PDC: variants seen among roughly 807,000 people sequenced by gnomAD.
PDC encodes phosducin.
Under a neutral mutation model 22.2 loss-of-function variants are expected in PDC, and 19 were observed. The ratio of observed to expected loss-of-function variants is 0.86; its 90% CI spans 0.60 to 1.26. PDC has a LOEUF of 1.26. PDC is among the 50% of genes most tolerant of loss of function. PDC has a pLI of 0.00. For synonymous variants in PDC, 97 were observed against 96.2 expected (o/e 1.01, Z -0.05); for missense variants, 274 against 286.8 (o/e 0.96, Z 0.32).
In PDC at chr1:186,455,997, ATATATATATAT is replaced by A. The variant is rs1558131940; in HGVS notation, c.-25+5051_-25+5061del. ...AAAAAAAAAAAAAAAAAAAAAAAAT[ATATATATATAT>A]ATATATATATATATATATGCATGCC... On this transcript the variant is annotated intron_variant, in intron 1 of 3. Coordinates refer to ENST00000391997, the MANE Select transcript of PDC (RefSeq NM_002597.5). Among the ~76,000 whole-genome samples the A allele has an allele frequency of 4.4e-3, 299 of 67,620 alleles. 11 individuals are homozygous for A. The highest frequency in any genetic ancestry group is 5.5e-3 in the Non-Finnish European group (223 of 40,620). 44.4% of individuals were successfully genotyped at this position (67,620 alleles called of 152,430 possible). A position where few individuals can be genotyped will look rare whatever the true frequency, so the allele number is the denominator to read the frequency against.
intron 1 of PDC, among the ~76,000 whole-genome samples, chr1:186,457,309 A>C (rs1284053353): frequency 6.6e-6 from 1 of 152,168 alleles, no homozygotes; most frequent in East Asian, 1.9e-4. Flanking sequence ...AGGTTTGACA[A>C]CACCATGTCA....
chr1:186,448,761 C>G (rs1662288548), intron 2 of PDC: 1 of 466,966 alleles, frequency 2.1e-6, no homozygotes, highest in Non-Finnish European at 2.8e-6. Flanking sequence ...AAACTTCTGG[C>G]TAAATTTAAT....
At chr1:186,459,122 A>C (rs1056577403) in intron 1 of PDC, among the ~76,000 whole-genome samples, 1 of 152,294 alleles carries the variant, frequency 6.6e-6, no homozygotes, top group South Asian at 2.1e-4. Context: ...ACATCTCGCC[A>C]CTGCACTCCA....
In PDC at chr1:186,460,359, C is replaced by G. The variant is rs118040845; in HGVS notation, c.-25+700G>C. Reference sequence around the variant, plus strand: ...AACATCTCTTTGTATACCATATCCACACCATATGCATTACTGTCTTGGTTA... The same window carrying G: ...AACATCTCTTTGTATACCATATCCAGACCATATGCATTACTGTCTTGGTTA... On this transcript the variant is annotated intron_variant, in intron 1 of 3. Coordinates refer to ENST00000391997, the MANE Select transcript of PDC (RefSeq NM_002597.5). 2.4e-4 allele frequency among the ~76,000 whole-genome samples: 37 copies of G among 152,324 alleles called. No homozygotes were observed. The East Asian group carries it at 4.8e-3, about 20-fold the overall frequency.
Position 186,446,479 on chromosome 1 carries a change from A to G in PDC, c.160T>C (p.Ser54Pro), listed in dbSNP as rs769877476. 6.2e-7 allele frequency: 1 copy of G among 1,609,330 alleles called. No homozygotes were observed. Residue 54 changes from serine (S) to proline (P), a missense_variant, in exon 3 of 4, where the codon TCT (serine) becomes CCT (proline). Ser to Pro is a moderately conservative substitution (Grantham distance 74). Coordinates refer to ENST00000391997, the MANE Select transcript of PDC (RefSeq NM_002597.5). ...PSKKEILRQM[S>P]SPQSRNGKDS... ...TTGCCATTCCTACTCTGAGGAGAAG[A>G]CATTTGCCTGAGAATCTCCTTCTTG...
intron 1 of PDC, among the ~76,000 whole-genome samples, chr1:186,457,169 A>G (rs1456690601): frequency 6.6e-6 from 1 of 152,236 alleles, no homozygotes; most frequent in Non-Finnish European, 1.5e-5. Flanking sequence ...ATACAGACAC[A>G]TTAATATGAA....
chr1:186,456,201 C>A (rs1188380022), intron 1 of PDC, among the ~76,000 whole-genome samples: 1 of 151,476 alleles, frequency 6.6e-6, no homozygotes, highest in Admixed American at 6.6e-5. Flanking sequence ...ATTTAGTATA[C>A]AGCATATATA....
In PDC at chr1:186,444,376, T is replaced by G. The variant is rs549444291; in HGVS notation, c.344A>C (p.Tyr115Ser). 1.2e-6 allele frequency: 2 copies of G among 1,614,134 alleles called. No homozygotes were observed. The highest frequency in any genetic ancestry group is 3.3e-5 in the Admixed American group (2 of 60,018). ...GAATTGCTTTCCAGTTTCCAGCTCA[T>G]ACACAAACCCATATCTAGGCCCAAA... The part of the protein sequence containing the change: ...LSFGPRYGFV[Y>S]ELETGKQFLE... Residue 115 changes from tyrosine to serine, a missense_variant, in exon 4 of 4, where the codon TAT becomes TCT. Tyr to Ser is a moderately radical substitution (Grantham distance 144). Transcript: ENST00000391997.
chr1:186,444,080 C>G lies in PDC; in HGVS notation c.640G>C (p.Ala214Pro), dbSNP rs1161529260. Residue 214 changes from alanine to proline, a missense_variant, in exon 4 of 4, where the codon GCT (alanine) becomes CCT (proline). Transcript: ENST00000391997. ...TTTAGGAAAGACTCCACATCCCCAG[C>G]AAAAAATTCTTCAGCAAACTGTTCA... ...VAEQFAEEFFAGDVESFLNEY... is the reference protein window; with the variant it reads ...VAEQFAEEFFPGDVESFLNEY... The G allele has an allele frequency of 1.9e-6, 3 of 1,613,690 alleles. No homozygotes were observed. The highest frequency in any genetic ancestry group is 2.5e-6 in the Non-Finnish European group (3 of 1,179,780).
In PDC at chr1:186,446,579, TGGA is replaced by T; in HGVS notation, c.62-5_62-3del. ...AATCATTTATTACTCCTTTGGGTCCTGGAATGAAATTAAAAATAAATTGTTTTC... is the reference window on the plus strand; with the variant it reads ...AATCATTTATTACTCCTTTGGGTCCTATGAAATTAAAAATAAATTGTTTTC... On this transcript the variant is annotated splice_region_variant and splice_polypyrimidine_tract_variant and intron_variant, in intron 2 of 3. Coordinates refer to ENST00000391997, the MANE Select transcript of PDC (RefSeq NM_002597.5). 6.7e-7 allele frequency: 1 copy of T among 1,497,130 alleles called. No homozygotes were observed. Among genetic ancestry groups the T allele is most frequent in the Non-Finnish European group, 9.1e-7 (1 of 1,097,376 alleles). The allele number at this position is 1,497,130 out of a possible 1,614,324, so 92.7% of individuals were successfully genotyped here. A position where few individuals can be genotyped will look rare whatever the true frequency, so the allele number is the denominator to read the frequency against.
At chr1:186,458,921 A>G (rs1044650991) in intron 1 of PDC, among the ~76,000 whole-genome samples, 16 of 152,164 alleles carry the variant, frequency 1.1e-4, no homozygotes, top group Non-Finnish European at 1.2e-4. Flanking sequence ...CAACGCTTTG[A>G]GAGGCCAAGG....
At chr1:186,460,346 T>C (rs1662558265) in intron 1 of PDC, among the ~76,000 whole-genome samples, 1 of 152,230 alleles carries the variant, frequency 6.6e-6, no homozygotes, top group Non-Finnish European at 1.5e-5. Context: ...CATCTCTTTG[T>C]ATACCATATC....
At chr1:186,458,241 T>C (rs1662509686) in intron 1 of PDC, among the ~76,000 whole-genome samples, 1 of 149,374 alleles carries the variant, frequency 6.7e-6, no homozygotes, top group Admixed American at 6.6e-5. Flanking sequence ...TTTTTTTTTT[T>C]TTTTTTTTTT....
chr1:186,446,676 T>C (rs1662236098), intron 2 of PDC, 99 bp from the exon 3 acceptor site: 2 of 642,810 alleles, frequency 3.1e-6, no homozygotes, highest in South Asian at 2.7e-5. Context: ...AATAAACTTA[T>C]TGTCTCCTGC....
At chr1:186,445,185 A>T (rs989171337) in intron 3 of PDC, among the ~76,000 whole-genome samples, 10 of 152,220 alleles carry the variant, frequency 6.6e-5, no homozygotes, top group Non-Finnish European at 1.2e-4. Flanking sequence ...CCAAAAAAGA[A>T]AAAAAGGTAT....
At chr1:186,449,311 T>C (rs970907317) in intron 2 of PDC, 88 bp downstream of exon 2, 2 of 638,738 alleles carry the variant, frequency 3.1e-6, no homozygotes, top group African/African-American at 3.7e-5. Flanking sequence ...TTACTTAAAG[T>C]ACATACTGAA....
intron 1 of PDC, among the ~76,000 whole-genome samples, chr1:186,450,038 G>GT (rs1374521910): frequency 3.9e-5 from 6 of 152,292 alleles, no homozygotes; most frequent in African/African-American, 1.4e-4. Flanking sequence ...AGGGCAGAGA[G>GT]TTTAAGTTAC....
Position 186,444,186 on chromosome 1 carries a change from C to T in PDC, c.534G>A (p.Gly178=), listed in dbSNP as rs1303459608. The change falls in exon 4 of 4, where the codon GGG becomes GGA. Residue 178 remains glycine, a synonymous_variant. Coordinates refer to ENST00000391997, the MANE Select transcript of PDC (RefSeq NM_002597.5). Reference sequence around the variant, plus strand: ...GAAGTACATCTAAGGAAAAGCGGTCCCCAGCACCTGTATTCGAAGCTTTTA... The same window carrying T: ...GAAGTACATCTAAGGAAAAGCGGTCTCCAGCACCTGTATTCGAAGCTTTTA... ...CKIKASNTGA[G]DRFSLDVLPT... is the part of the protein sequence containing the mutation. 6.2e-7 allele frequency: 1 copy of T among 1,613,682 alleles called. No homozygotes were observed. The highest frequency in any genetic ancestry group is 8.5e-7 in the Non-Finnish European group (1 of 1,179,780).
intron 1 of PDC, among the ~76,000 whole-genome samples, chr1:186,455,775 C>A (rs1571726214): frequency 8.8e-6 from 1 of 113,626 alleles, no homozygotes; most frequent in Non-Finnish European, 1.7e-5. Context: ...TCCTGGCTAA[C>A]ACGGTGAAAC....
Sources: allele counts gnomAD v4.1 joint callset (sites outside exome capture counted in the v4.1 genomes callset), GRCh38; gene constraint gnomAD v4.1.1; transcripts MANE v1.5; gene names NCBI Gene and HGNC (gene_info 2026-07-23, HGNC 2026-07-21).